IGBP1C: variants seen among roughly 807,000 people sequenced by gnomAD.
IGBP1C encodes the protein IGBP1 family member C.
chr17:58,682,219 G>T, the IGBP1C span, among the ~76,000 whole-genome samples: 1 of 151,222 alleles, frequency 6.6e-6, no homozygotes, highest in South Asian at 2.1e-4. Context: ...AGACAGTTGG[G>T]ATTAGAGGCA....
the IGBP1C span, chr17:58,677,590 C>G: frequency 1.3e-5 from 2 of 152,224 alleles, no homozygotes; most frequent in Admixed American, 1.3e-4. Flanking sequence ...AAAGTGTGAA[C>G]ACAGTCGCCC....
the IGBP1C span, among the ~76,000 whole-genome samples, chr17:58,674,833 C>T: frequency 6.7e-6 from 1 of 149,236 alleles, no homozygotes; most frequent in Admixed American, 6.7e-5. Flanking sequence ...TTCGATGAGG[C>T]CTTTGGAAAA....
chr17:58,677,358 T>C, the IGBP1C span, among the ~76,000 whole-genome samples: 1 of 152,178 alleles, frequency 6.6e-6, no homozygotes, highest in Non-Finnish European at 1.5e-5. Context: ...CCAACATATA[T>C]GTGGTACTCA....
the IGBP1C span, among the ~76,000 whole-genome samples, chr17:58,677,356 T>C: frequency 1.3e-5 from 2 of 152,144 alleles, no homozygotes; most frequent in South Asian, 4.1e-4. Flanking sequence ...AGCCAACATA[T>C]ATGTGGTACT....
the IGBP1C span, among the ~76,000 whole-genome samples, chr17:58,683,015 T>C: frequency 6.9e-6 from 1 of 145,246 alleles, no homozygotes; most frequent in South Asian, 2.2e-4. Flanking sequence ...ATCGCGCCAT[T>C]GCACTCCAGC....
At chr17:58,685,174 C>G in the IGBP1C span, among the ~76,000 whole-genome samples, 1 of 151,672 alleles carries the variant, frequency 6.6e-6, no homozygotes, top group African/African-American at 2.4e-5. Flanking sequence ...TTTTGAAGGA[C>G]CTGTTTTGAA....
the IGBP1C span, among the ~76,000 whole-genome samples, chr17:58,680,768 T>C: frequency 6.6e-6 from 1 of 151,888 alleles, no homozygotes. Context: ...AAAAACAAAT[T>C]AGAATTGGAG....
At chr17:58,689,336 TCA>T in the IGBP1C span, among the ~76,000 whole-genome samples, 2 of 152,128 alleles carry the variant, frequency 1.3e-5, no homozygotes, top group Non-Finnish European at 2.9e-5. Context: ...TTCTCCTGCC[TCA>T]GCCTCCTAAG....
At chr17:58,660,570 G>A in the IGBP1C span, 1 of 789,236 alleles carries the variant, frequency 1.3e-6, no homozygotes, top group Non-Finnish European at 2.3e-6. Flanking sequence ...GCGGTGTTGT[G>A]GGAAGATTAG....
chr17:58,662,413 T>A, the IGBP1C span, among the ~76,000 whole-genome samples: 2 of 127,674 alleles, frequency 1.6e-5, no homozygotes, highest in Admixed American at 1.6e-4. Context: ...AGCACACATA[T>A]CTCACACACA....
At chr17:58,661,122 T>C in the IGBP1C span, 5 of 893,532 alleles carry the variant, frequency 5.6e-6, no homozygotes, top group Non-Finnish European at 7.7e-6. Flanking sequence ...CGCTCTATTT[T>C]AGCCTGTCTT....
the IGBP1C span, among the ~76,000 whole-genome samples, chr17:58,684,689 C>A: frequency 4.0e-5 from 6 of 151,700 alleles, no homozygotes; most frequent in South Asian, 1.2e-3. Context: ...AAAAAGCTTT[C>A]TTCCTCCTAC....
At chr17:58,662,847 C>T in the IGBP1C span, among the ~76,000 whole-genome samples, 1 of 152,048 alleles carries the variant, frequency 6.6e-6, no homozygotes, top group Non-Finnish European at 1.5e-5. Flanking sequence ...TGACCGGGCG[C>T]GGTGGCTCAC....
chr17:58,661,756 A>G, the IGBP1C span: 1 of 557,100 alleles, frequency 1.8e-6, no homozygotes, highest in East Asian at 3.0e-5. Context: ...AAGGCAACGG[A>G]GTCGGTTGTG....
At chr17:58,673,862 G>A in the IGBP1C span, among the ~76,000 whole-genome samples, 17 of 152,234 alleles carry the variant, frequency 1.1e-4, no homozygotes, top group Middle Eastern at 6.8e-3. Context: ...GCCACCCCAC[G>A]TGGCTTCTCT....
the IGBP1C span, among the ~76,000 whole-genome samples, chr17:58,669,105 A>T: frequency 2.6e-5 from 4 of 152,186 alleles, no homozygotes; most frequent in Non-Finnish European, 5.9e-5. Context: ...TAATCCCAGC[A>T]CTTTGGGAGG....
chr17:58,684,880 G>A, the IGBP1C span, among the ~76,000 whole-genome samples: 1 of 152,012 alleles, frequency 6.6e-6, no homozygotes, highest in East Asian at 1.9e-4. Context: ...AGAGGCTGTG[G>A]CATAAGAATT....
chr17:58,679,019 TG>T, the IGBP1C span, among the ~76,000 whole-genome samples: 1 of 151,882 alleles, frequency 6.6e-6, no homozygotes, highest in Non-Finnish European at 1.5e-5. Context: ...CAAGGCGTGG[TG>T]GCGTGTGCCT....
At chr17:58,661,275 C>T in the IGBP1C span, 1 of 804,834 alleles carries the variant, frequency 1.2e-6, no homozygotes, top group Non-Finnish European at 2.3e-6. Flanking sequence ...ATAAAGTGTT[C>T]GCGAGCCTGC....
Sources: gnomAD v4.1 joint callset for allele counts (sites outside exome capture counted in the v4.1 genomes callset) on GRCh38, gnomAD v4.1.1 for gene constraint, MANE v1.5 for transcripts, NCBI Gene and HGNC (gene_info 2026-07-23, HGNC 2026-07-21) for gene names.